Variants in LINGO3 observed in about 807,000 individuals in gnomAD.
LINGO3 encodes the protein leucine rich repeat and Ig domain containing 3.
For synonymous variants in LINGO3, 427 were observed against 444.2 expected (o/e 0.96, Z 0.49); for missense variants, 750 against 867.7 (o/e 0.86, Z 1.70).
chr19:2,291,650 G>A (rs2025524594), exon 1 of LINGO3: 1 of 1,410,948 alleles, frequency 7.1e-7, no homozygotes, highest in Non-Finnish European at 9.1e-7. Context: ...GTCAGGCGGC[G>A]GCGCGTGCAG....
chr19:2,302,363 C>T, the LINGO3 span, among the ~76,000 whole-genome samples: 1 of 152,178 alleles, frequency 6.6e-6, no homozygotes. Context: ...TGCCCGGCCC[C>T]CTGTCCTTAA....
chr19:2,291,504 C>A (rs930138234), exon 1 of LINGO3: 9 of 1,611,014 alleles, frequency 5.6e-6, no homozygotes, highest in Non-Finnish European at 7.6e-6. Flanking sequence ...GCTCCACGTG[C>A]GCGATGGCGT....
rs1387609451 is a variant in LINGO3 at position 2,290,763 on chromosome 19, G to A, written c.1014C>T (p.Phe338=). Residue 338 remains phenylalanine (F), a synonymous_variant, in exon 1 of 1, where the codon TTC becomes TTT. Coordinates refer to ENST00000585527, the Ensembl canonical transcript of LINGO3. This position sits in a 1 kb window ranked among gnomAD's most constrained non-coding sequence, Gnocchi z 6.0. The stretch of plus-strand genomic sequence containing the variant: ...GCGTCTCTAGCGTGTTCACCGAGTG[G>A]AAGGTGCTCTCCTCCAACGTGGAGA... 2 of 1,612,842 alleles carry A rather than the reference G, an allele frequency of 1.2e-6. No homozygotes were observed. The highest frequency in any genetic ancestry group is 1.7e-6 in the Non-Finnish European group (2 of 1,179,646).
Position 2,290,523 on chromosome 19 carries a change from C to T in LINGO3, c.1254G>A (p.Thr418=), listed in dbSNP as rs1258351113. 1 of 1,512,258 alleles carries T rather than the reference C, an allele frequency of 6.6e-7. No homozygotes were observed. Among genetic ancestry groups the T allele is most frequent in the South Asian group, 1.2e-5 (1 of 81,792 alleles). The allele number at this position is 1,512,258 out of a possible 1,614,324, so 93.7% of individuals were successfully genotyped here. ...AGCGGACGTCTTCGCCCGCGGTGGCCGTGACGCGCTGCAGCCGCCGCTCCC... is the reference window on the plus strand; with the variant it reads ...AGCGGACGTCTTCGCCCGCGGTGGCTGTGACGCGCTGCAGCCGCCGCTCCC... The change falls in exon 1 of 1, where the codon ACG becomes ACA. Residue 418 remains threonine, a synonymous_variant. Coordinates refer to ENST00000585527, the Ensembl canonical transcript of LINGO3. This position sits in a 1 kb window ranked among gnomAD's most constrained non-coding sequence, Gnocchi z 6.0.
upstream of LINGO3, among the ~76,000 whole-genome samples, chr19:2,295,766 C>A (rs550116167): frequency 3.3e-5 from 5 of 152,030 alleles, no homozygotes; most frequent in Non-Finnish European, 7.4e-5. Context: ...TAAGGTGAAA[C>A]GCCAAACTGA....
At chr19:2,297,297 TC>T in the LINGO3 span, among the ~76,000 whole-genome samples, 2 of 38,694 alleles carry the variant, frequency 5.2e-5, no homozygotes, top group East Asian at 1.6e-3. Context: ...GCACCCTCCC[TC>T]CCCCCCTTTT....
At chr19:2,305,659 A>T in the LINGO3 span, among the ~76,000 whole-genome samples, 1 of 152,242 alleles carries the variant, frequency 6.6e-6, no homozygotes, top group South Asian at 2.1e-4. Flanking sequence ...GGCCGGCCAA[A>T]CCCAGAGGGG....
downstream of LINGO3, among the ~76,000 whole-genome samples, chr19:2,289,286 G>C (rs1236651567): frequency 6.6e-6 from 1 of 151,494 alleles, no homozygotes; most frequent in Non-Finnish European, 1.5e-5. Flanking sequence ...TGTGTCCTGG[G>C]TGTGAGCTGT....
At chr19:2,294,074 C>T (rs561535221), upstream of LINGO3, among the ~76,000 whole-genome samples, 8 of 152,100 alleles carry the variant, frequency 5.3e-5, no homozygotes, top group Non-Finnish European at 8.8e-5. This position sits in a 1 kb window ranked among gnomAD's most constrained non-coding sequence, Gnocchi z 4.3. Context: ...GGTATGTTCA[C>T]GTCCTGCCCT....
chr19:2,292,646 C>T (rs985309194), upstream of LINGO3, among the ~76,000 whole-genome samples: 3 of 151,560 alleles, frequency 2.0e-5, no homozygotes, highest in South Asian at 2.1e-4. Context: ...CCCGCCACCA[C>T]GTCCGGCTAA....
At chr19:2,307,633 C>T in the LINGO3 span, among the ~76,000 whole-genome samples, 1 of 152,234 alleles carries the variant, frequency 6.6e-6, no homozygotes. Flanking sequence ...ATACCCTTTG[C>T]GTCTTCCAGC....
At chr19:2,302,763 A>T in the LINGO3 span, among the ~76,000 whole-genome samples, 1 of 152,246 alleles carries the variant, frequency 6.6e-6, no homozygotes. Context: ...CTGAGGCCGC[A>T]GAGGCCTTTG....
chr19:2,297,352 T>C, the LINGO3 span, among the ~76,000 whole-genome samples: 3 of 127,566 alleles, frequency 2.4e-5, no homozygotes, highest in Non-Finnish European at 4.8e-5. Context: ...TCGCCCAGGC[T>C]GGAGTGCAGT....
chr19:2,291,087 G>A lies in LINGO3; in HGVS notation c.690C>T (p.Asp230=), dbSNP rs750404104. 39 of 1,609,732 alleles carry A rather than the reference G, an allele frequency of 2.4e-5. 1 individual carries two copies. Among genetic ancestry groups the A allele is most frequent in the Middle Eastern group, 1.6e-4 (1 of 6,074 alleles). ...CCACCTCCTCCAGCAGCGGCCAGTT[G>A]TCAATCTCCAGGTGCAGCAGCCCGG... The change falls in exon 1 of 1, where the codon GAC becomes GAT. Residue 230 remains aspartate (D), a synonymous_variant. Transcript: ENST00000585527.
chr19:2,291,995 T>A lies in LINGO3; in HGVS notation c.-219A>T, dbSNP rs1178054668. 10 of 578,274 alleles carry A rather than the reference T, an allele frequency of 1.7e-5. 1 individual carries two copies. Among genetic ancestry groups the A allele is most frequent in the Admixed American group, 1.1e-4 (5 of 44,314 alleles). 35.8% of individuals were successfully genotyped at this position (578,274 alleles called of 1,614,324 possible). ...TGAGTTCAAGAGTTCGAGACCAGCCTGCACAACATAGCAAGACTCCCATCT... is the reference window on the plus strand; with the variant it reads ...TGAGTTCAAGAGTTCGAGACCAGCCAGCACAACATAGCAAGACTCCCATCT... On this transcript the variant is annotated 5_prime_UTR_variant, in exon 1 of 1. Transcript: ENST00000585527.
upstream of LINGO3, among the ~76,000 whole-genome samples, chr19:2,294,852 C>T (rs1224645257): frequency 6.6e-6 from 1 of 152,136 alleles, no homozygotes; most frequent in East Asian, 1.9e-4. The surrounding 1 kb of genome is among the most constrained non-coding windows in gnomAD (Gnocchi z 4.3). Flanking sequence ...GCAGCCAGAA[C>T]TACCAGGCGG....
At chr19:2,302,059 AGT>A in the LINGO3 span, among the ~76,000 whole-genome samples, 1 of 110,128 alleles carries the variant, frequency 9.1e-6, no homozygotes, top group African/African-American at 3.3e-5. Context: ...ATTTGTGGGT[AGT>A]TTTTTTTTTT....
chr19:2,291,708 T>TCC lies in LINGO3; in HGVS notation c.67_68dup (p.Gly24GlufsTer23). ...TGCACTCGCAGCGGGCCGGGCAGCC[T>TCC]CCAGCCGGGGGCGGCGCCGCGGGCA... On this transcript the variant is annotated frameshift_variant, in exon 1 of 1. Coordinates refer to ENST00000585527, the Ensembl canonical transcript of LINGO3. LOFTEE classifies it low-confidence loss of function (END_TRUNC). The TCC allele has an allele frequency of 7.5e-7, 1 of 1,340,552 alleles. No individual in the cohort carries two copies. The highest frequency in any genetic ancestry group is 1.8e-5 in the South Asian group (1 of 56,586). 83.0% of individuals were successfully genotyped at this position (1,340,552 alleles called of 1,614,324 possible). A position where few individuals can be genotyped will look rare whatever the true frequency, so the allele number is the denominator to read the frequency against.
chr19:2,298,500 G>A, the LINGO3 span, among the ~76,000 whole-genome samples: 12 of 151,128 alleles, frequency 7.9e-5, no homozygotes, highest in South Asian at 1.9e-3. Context: ...CGAAGGTGCC[G>A]GGAACACAGG....
Sources: gnomAD v4.1 joint callset for allele counts (sites outside exome capture counted in the v4.1 genomes callset) on GRCh38, gnomAD v4.1.1 for gene constraint, Gnocchi (gnomAD v3.1) non-coding constraint, MANE v1.5 for transcripts, NCBI Gene and HGNC (gene_info 2026-07-23, HGNC 2026-07-21) for gene names.